The following LINGO2 variants were observed in gnomAD, a reference collection of about 807,000 sequenced individuals.
The protein encoded by LINGO2 is leucine-rich repeat and immunoglobulin-like domain-containing nogo receptor-interacting protein 2.
A neutral mutation model predicts 30.6 loss-of-function variants in LINGO2; 14 were observed. The ratio of observed to expected loss-of-function variants is 0.46; its 90% CI spans 0.30 to 0.72. The LOEUF (loss-of-function observed/expected upper bound fraction) is 0.72. Among genes scored for constraint, LINGO2 ranks in the 30% least tolerant of loss-of-function variants. The pLI is 0.07. For synonymous variants in LINGO2, 317 were observed against 288.5 expected (o/e 1.10, Z -1.00); for missense variants, 729 against 751.7 (o/e 0.97, Z 0.35).
At chr9:28,557,890 G>T (rs368768445) in intron 1 of LINGO2, among the ~76,000 whole-genome samples, 1 of 150,172 alleles carries the variant, frequency 6.7e-6, no homozygotes, top group Non-Finnish European at 1.5e-5. Flanking sequence ...GCAAACTATC[G>T]CAAGGACAAA....
intron 1 of LINGO2, among the ~76,000 whole-genome samples, chr9:28,512,311 T>G (rs936682619): frequency 6.6e-6 from 1 of 151,040 alleles, no homozygotes; most frequent in Admixed American, 6.6e-5. Context: ...AAAAGGAGAG[T>G]AGTTATCTGC....
At chr9:28,169,308 T>C (rs1828517440) in intron 4 of LINGO2, among the ~76,000 whole-genome samples, 2 of 152,200 alleles carry the variant, frequency 1.3e-5, no homozygotes. Flanking sequence ...TTCTTTAAAA[T>C]GAGTAGAACT....
At chr9:29,197,783 C>T in the LINGO2 span, among the ~76,000 whole-genome samples, 1 of 152,012 alleles carries the variant, frequency 6.6e-6, no homozygotes, top group South Asian at 2.1e-4. Context: ...GATTGATTCA[C>T]TGTTTAAGCT....
the LINGO2 span, among the ~76,000 whole-genome samples, chr9:28,715,369 A>G: frequency 1.6e-4 from 25 of 152,276 alleles, no homozygotes; most frequent in African/African-American, 5.8e-4. Flanking sequence ...AAAAATGTAA[A>G]TGAGAATGAG....
At chr9:29,028,421 G>T in the LINGO2 span, among the ~76,000 whole-genome samples, 2 of 65,252 alleles carry the variant, frequency 3.1e-5, no homozygotes, top group African/African-American at 9.3e-5. Context: ...GTAGTGTGTG[G>T]GGGGGGGTGA....
chr9:28,801,303 G>C, the LINGO2 span, among the ~76,000 whole-genome samples: 1 of 151,996 alleles, frequency 6.6e-6, no homozygotes, highest in Non-Finnish European at 1.5e-5. Context: ...GACAGTTTTT[G>C]ATGATCTCAG....
At chr9:28,415,147 G>A (rs750286118) in intron 2 of LINGO2, among the ~76,000 whole-genome samples, 3 of 151,944 alleles carry the variant, frequency 2.0e-5, no homozygotes, top group Non-Finnish European at 4.4e-5. Flanking sequence ...CAAATTCTTC[G>A]ACATGCATTT....
intron 2 of LINGO2, among the ~76,000 whole-genome samples, chr9:28,393,240 A>G (rs1821907026): frequency 1.3e-5 from 2 of 152,264 alleles, no homozygotes; most frequent in South Asian, 2.1e-4. Context: ...GAAAAAACAC[A>G]AACACTGCCC....
At chr9:29,044,510 G>A in the LINGO2 span, among the ~76,000 whole-genome samples, 1 of 151,922 alleles carries the variant, frequency 6.6e-6, no homozygotes, top group Admixed American at 6.6e-5. Context: ...ATGTAAACAG[G>A]TATAATTACT....
At chr9:27,997,245 G>T (rs1821711679) in intron 5 of LINGO2, among the ~76,000 whole-genome samples, 1 of 152,164 alleles carries the variant, frequency 6.6e-6, no homozygotes, top group African/African-American at 2.4e-5. Flanking sequence ...TGTACCACCT[G>T]GCAGATGTGA....
chr9:28,749,643 T>C, the LINGO2 span, among the ~76,000 whole-genome samples: 1 of 151,968 alleles, frequency 6.6e-6, no homozygotes, highest in African/African-American at 2.4e-5. Flanking sequence ...TTTTTTAAAA[T>C]AAAGAGAGCA....
At chr9:28,352,029 C>G (rs1344610160) in intron 3 of LINGO2, among the ~76,000 whole-genome samples, 1 of 151,062 alleles carries the variant, frequency 6.6e-6, no homozygotes, top group East Asian at 2.0e-4. Context: ...CTATGACAAA[C>G]CCACAGCCAA....
the LINGO2 span, among the ~76,000 whole-genome samples, chr9:28,890,946 A>C: frequency 6.6e-6 from 1 of 152,098 alleles, no homozygotes; most frequent in African/African-American, 2.4e-5. Flanking sequence ...AGCAACTCAG[A>C]GAACATTTAT....
chr9:28,227,831 G>T (rs1269232181), intron 4 of LINGO2, among the ~76,000 whole-genome samples: 2 of 151,898 alleles, frequency 1.3e-5, no homozygotes, highest in African/African-American at 4.8e-5. Flanking sequence ...GAAGGTTCAG[G>T]AAAGATGGCA....
At chr9:28,174,583 G>A (rs1459234232) in intron 4 of LINGO2, among the ~76,000 whole-genome samples, 1 of 152,012 alleles carries the variant, frequency 6.6e-6, no homozygotes, top group African/African-American at 2.4e-5. Flanking sequence ...TTTCCTTTTA[G>A]ACATAACCAC....
At chr9:28,644,856 A>C (rs1249365466) in intron 1 of LINGO2, among the ~76,000 whole-genome samples, 2 of 152,016 alleles carry the variant, frequency 1.3e-5, no homozygotes, top group African/African-American at 4.8e-5. Context: ...AATTTTTTTA[A>C]AAAAATTAAA....
chr9:29,111,239 T>C, the LINGO2 span, among the ~76,000 whole-genome samples: 1 of 152,160 alleles, frequency 6.6e-6, no homozygotes, highest in Non-Finnish European at 1.5e-5. Flanking sequence ...TCACCAGCAG[T>C]ATGTATGTCA....
At chr9:29,017,632 A>T in the LINGO2 span, among the ~76,000 whole-genome samples, 1 of 152,092 alleles carries the variant, frequency 6.6e-6, no homozygotes, top group Non-Finnish European at 1.5e-5. Flanking sequence ...GCATGCATCA[A>T]GGTAGCAAGG....
chr9:28,551,874 T>C (rs1822303217), intron 1 of LINGO2, among the ~76,000 whole-genome samples: 1 of 152,080 alleles, frequency 6.6e-6, no homozygotes, highest in South Asian at 2.1e-4. Context: ...ATGGTTTGGT[T>C]GCATATGCAA....
Sources: gnomAD v4.1 joint callset for allele counts (sites outside exome capture counted in the v4.1 genomes callset) on GRCh38, gnomAD v4.1.1 for gene constraint, MANE v1.5 for transcripts, NCBI Gene and HGNC (gene_info 2026-07-23, HGNC 2026-07-21) for gene names.